Variants in ZFP92 observed in about 807,000 individuals in gnomAD.
ZFP92 encodes ZFP92 zinc finger protein, also known as zinc finger protein 92 homolog.
In ZFP92, 2 loss-of-function variants were observed where a neutral mutation model predicts 7.6. The observed-to-expected ratio is 0.26, with a 90% CI of 0.11 to 0.83. The LOEUF is 0.83. Among genes scored for constraint, ZFP92 ranks in the 40% least tolerant of loss-of-function variants. The probability of loss-of-function intolerance (pLI) is 0.65; values close to 1 mark genes in which losing one functional copy is unlikely to be tolerated. For synonymous variants in ZFP92, 226 were observed against 183.6 expected (o/e 1.23, Z -1.87); for missense variants, 324 against 408.3 (o/e 0.79, Z 1.78).
chrX:153,417,494 T>C (rs889719872), intron 2 of ZFP92, among the ~76,000 whole-genome samples: 3 of 111,994 alleles, frequency 2.7e-5, no homozygotes, highest in Non-Finnish European at 5.6e-5. Flanking sequence ...AGGTCGTACA[T>C]GTGCATTTGG....
rs2089031877 is a variant in ZFP92, at chrX:153,424,765, GA to G, written c.*3140del. The G allele has an allele frequency of 8.9e-6, 1 of 112,913 alleles. No individual in the cohort carries two copies. Among genetic ancestry groups the G allele is most frequent in the African/African-American group, 3.2e-5 (1 of 31,071 alleles). The allele number at this position is 112,913 out of a possible 1,213,427, so 9.3% of individuals were successfully genotyped here. ...AAATTGTCCTGGCTGGATTCGTTGT[GA>G]AATGGAACTGTCCCATTTACTTTGG... is the stretch of plus-strand genomic sequence containing the variant. On this transcript the variant is annotated 3_prime_UTR_variant, in exon 6 of 6. Coordinates refer to ENST00000338647, the MANE Select transcript of ZFP92 (RefSeq NM_001136273.2).
At position 153,421,340 on chromosome X, in the gene ZFP92, G is replaced by C. The variant is rs572661916; in HGVS notation, c.963G>C (p.Ala321=). Residue 321 remains alanine (A), a synonymous_variant, in exon 6 of 6, where the codon GCG becomes GCC. Transcript: ENST00000338647. ...GCCACAGCGGCGAGCGGCCCTTCGC[G>C]TGCCGCGAGTGCGGCAAGGCCTTCC... ...QRSHSGERPF[A]CRECGKAFRG... The C allele has an allele frequency of 3.3e-5, 38 of 1,163,071 alleles. No individual in the cohort carries two copies. The South Asian group carries it at 6.8e-4, about 21-fold the overall frequency.
chrX:153,418,267 G>T, intron 2 of ZFP92, 38 bp from the exon 3 acceptor site: 1 of 1,164,060 alleles, frequency 8.6e-7, no homozygotes, highest in Admixed American at 2.6e-5. Flanking sequence ...GCTCCAGGCT[G>T]CCCTGGGCTC....
chrX:153,418,984 G>A (rs1455362636), intron 4 of ZFP92, among the ~76,000 whole-genome samples, 185 bp downstream of exon 4: 4 of 112,690 alleles, frequency 3.5e-5, no homozygotes, highest in Non-Finnish European at 7.5e-5. Context: ...ATGGTTTTTA[G>A]CTAAGTGGTC....
rs782431278 is a variant in ZFP92, at chrX:153,423,875, C to T, written c.*2247C>T. ...ATGCAATCCTCGTGCAGAGTAGGTG[C>T]CTGTGGCAGGAGGCCATGCAATTGG... is the stretch of plus-strand genomic sequence containing the variant. On this transcript the variant is annotated 3_prime_UTR_variant, in exon 6 of 6. Coordinates refer to ENST00000338647, the MANE Select transcript of ZFP92 (RefSeq NM_001136273.2). 4.4e-5 allele frequency: 5 copies of T among 113,771 alleles called. No homozygotes were observed. The East Asian group carries it at 1.4e-3, about 31-fold the overall frequency. 9.4% of individuals were successfully genotyped at this position (113,771 alleles called of 1,213,427 possible).
intron 2 of ZFP92, among the ~76,000 whole-genome samples, 140 bp from the exon 3 acceptor site, chrX:153,418,165 G>T (rs2088969218): frequency 8.9e-6 from 1 of 112,230 alleles, no homozygotes; most frequent in Non-Finnish European, 1.9e-5. Context: ...GGCCCTTGGT[G>T]AAGCTGCAGG....
In ZFP92 at chrX:153,414,152, A is replaced by T. The variant is rs137899318; in HGVS notation, c.-19+2139A>T. 6.2e-5 allele frequency among the ~76,000 whole-genome samples: 7 copies of T among 112,430 alleles called. No individual in the cohort carries two copies. In the East Asian group the frequency reaches 2.0e-3, roughly 31 times the overall value. On this transcript the variant is annotated intron_variant, in intron 2 of 5. Transcript: ENST00000338647. Reference sequence around the variant, plus strand: ...AAATGAGCTTATGCTGCTTTTCAAAACAATAATTTTATACTAGTCTGAAAG... The same window carrying T: ...AAATGAGCTTATGCTGCTTTTCAAATCAATAATTTTATACTAGTCTGAAAG...
At chrX:153,419,586 G>C (rs993908605) in intron 4 of ZFP92, among the ~76,000 whole-genome samples, 2 of 112,326 alleles carry the variant, frequency 1.8e-5, no homozygotes, top group African/African-American at 6.5e-5. Flanking sequence ...GCTAAGCTCA[G>C]ACACTCCACT....
At chrX:153,420,537 C>G (rs1229784341) in intron 5 of ZFP92, 106 bp from the exon 6 acceptor site, 13 of 1,059,988 alleles carry the variant, frequency 1.2e-5, no homozygotes, top group Non-Finnish European at 1.6e-5. Context: ...TGATGGCTTT[C>G]TGTTCTGTGG....
rs1297592100 is a variant in ZFP92 at position 153,411,696 on chromosome X, G to A, written c.-75G>A. 1.8e-5 allele frequency among the ~76,000 whole-genome samples: 2 copies of A among 113,049 alleles called. No individual in the cohort carries two copies. Among genetic ancestry groups the A allele is most frequent in the South Asian group, 7.1e-4 (2 of 2,820 alleles). The stretch of plus-strand genomic sequence containing the variant: ...AGGCCGACTCCCTCGGCTGCCCGCC[G>A]AGCCCAGGTAAGAGGGCCGAGCTGG... On this transcript the variant is annotated 5_prime_UTR_variant, in exon 1 of 6. Transcript: ENST00000338647.
In ZFP92 at chrX:153,420,740, G is replaced by C. The variant is rs1219725628; in HGVS notation, c.363G>C (p.Ala121=). 6.9e-6 allele frequency: 8 copies of C among 1,157,551 alleles called. No homozygotes were observed. The highest frequency in any genetic ancestry group is 1.8e-5 in the African/African-American group (1 of 55,816). ...CACAAGGTGGCAAGGAGGGGCAGGCGGCGAGGTCGTCTGTGCTCCAGAGAG... is the reference window on the plus strand; with the variant it reads ...CACAAGGTGGCAAGGAGGGGCAGGCCGCGAGGTCGTCTGTGCTCCAGAGAG... ...ADPQGGKEGQ[A]ARSSVLQRGA... is the part of the protein sequence containing the mutation. The change falls in exon 6 of 6, where the codon GCG becomes GCC. Residue 121 remains alanine, a synonymous_variant. Transcript: ENST00000338647.
chrX:153,420,152 T>G, intron 4 of ZFP92, 76 bp from the exon 5 acceptor site: 15 of 758,772 alleles, frequency 2.0e-5, no homozygotes, highest in Admixed American at 3.5e-5. Context: ...CTGAAGATAT[T>G]GAGAATTGCC....
At position 153,421,163 on chromosome X, in the gene ZFP92, G is replaced by T. The variant is rs781972448; in HGVS notation, c.786G>T (p.Arg262=). ...LEHARVHSGE[R]PYACPECGKA... ...ACGCGCGCGTGCACAGCGGCGAGCG[G>T]CCCTACGCGTGCCCAGAGTGCGGCA... The change falls in exon 6 of 6, where the codon CGG becomes CGT. Residue 262 remains arginine, a synonymous_variant. Transcript: ENST00000338647. 5.9e-6 allele frequency: 7 copies of T among 1,181,789 alleles called. No individual in the cohort carries two copies. In the Admixed American group the frequency reaches 1.2e-4, roughly 21 times the overall value.
chrX:153,419,098 AAG>A (rs1309751378), intron 4 of ZFP92, among the ~76,000 whole-genome samples: 15 of 112,894 alleles, frequency 1.3e-4, no homozygotes, highest in Non-Finnish European at 2.4e-4. Flanking sequence ...TTCTACTCAA[AAG>A]AGAGATGCAA....
chrX:153,420,192 A>G, intron 4 of ZFP92, 36 bp from the exon 5 acceptor site: 1 of 1,092,844 alleles, frequency 9.2e-7, no homozygotes, highest in Non-Finnish European at 1.2e-6. Flanking sequence ...GCCCTCAGCC[A>G]TAGTGGTCTT....
intron 2 of ZFP92, among the ~76,000 whole-genome samples, chrX:153,417,812 C>T (rs951690992): frequency 9.0e-6 from 1 of 111,506 alleles, no homozygotes; most frequent in Non-Finnish European, 1.9e-5. Flanking sequence ...GAAAGGGAGA[C>T]TTTGCAGCTG....
intron 2 of ZFP92, among the ~76,000 whole-genome samples, chrX:153,413,936 G>T (rs1255175410): frequency 8.9e-6 from 1 of 112,391 alleles, no homozygotes; most frequent in South Asian, 3.7e-4. Flanking sequence ...TTGAGTGCGG[G>T]TCTCCGTCTC....
chrX:153,416,928 G>A (rs1384681367), intron 2 of ZFP92, among the ~76,000 whole-genome samples: 5 of 111,319 alleles, frequency 4.5e-5, no homozygotes, highest in African/African-American at 1.6e-4. Context: ...GCAAGATGAG[G>A]GGAGGAGCCA....
chrX:153,418,511 C>A (rs781853235), intron 3 of ZFP92, among the ~76,000 whole-genome samples, 156 bp downstream of exon 3: 1 of 111,826 alleles, frequency 8.9e-6, no homozygotes, highest in Non-Finnish European at 1.9e-5. Context: ...CCTCTGTCGG[C>A]TGTGCTGCCT....
Sources: allele counts gnomAD v4.1 joint callset (sites outside exome capture counted in the v4.1 genomes callset), GRCh38; gene constraint gnomAD v4.1.1; transcripts MANE v1.5; gene names NCBI Gene and HGNC (gene_info 2026-07-23, HGNC 2026-07-21).